The following GRAMD1B variants were observed in gnomAD, a reference collection of about 807,000 sequenced individuals.
The protein encoded by GRAMD1B is protein Aster-B.
A neutral mutation model predicts 99.7 loss-of-function variants in GRAMD1B; 37 were observed. The observed-to-expected ratio is 0.37, with a 90% CI of 0.29 to 0.49. The LOEUF (loss-of-function observed/expected upper bound fraction) is 0.49. Ranked by LOEUF, GRAMD1B falls within the 20% of genes least tolerant of loss-of-function variation. The pLI is 0.98. For synonymous variants in GRAMD1B, 427 were observed against 387.6 expected (o/e 1.10, Z -1.19); for missense variants, 888 against 1,009.2 (o/e 0.88, Z 1.63).
chr11:123,559,011 T>C lies in GRAMD1B; in HGVS notation c.453-18356T>C, dbSNP rs183560602. On this transcript the variant is annotated intron_variant, in intron 2 of 19. Transcript: ENST00000635736. ...GTAATTATTATTCACCTTCAGCATG[T>C]TTTCCTATGCAGCTGCAGTGGACAG... is the stretch of plus-strand genomic sequence containing the variant. Among the ~76,000 whole-genome samples, 45 of 152,294 alleles carry C rather than the reference T, an allele frequency of 3.0e-4. No homozygotes were observed. The East Asian group carries it at 8.5e-3, about 29-fold the overall frequency.
At chr11:123,592,460 C>T (rs893522330) in intron 4 of GRAMD1B, among the ~76,000 whole-genome samples, 2 of 152,216 alleles carry the variant, frequency 1.3e-5, no homozygotes, top group African/African-American at 4.8e-5. Context: ...TGCAGTGCCA[C>T]ATGCACATGG....
chr11:123,460,986 C>T (rs999459364), intron 1 of GRAMD1B, among the ~76,000 whole-genome samples: 2 of 152,252 alleles, frequency 1.3e-5, no homozygotes, highest in South Asian at 4.1e-4. Flanking sequence ...TTTCCCACCT[C>T]GTGACCTTTT....
chr11:123,618,750 A>G lies in GRAMD1B; in HGVS notation c.2376A>G (p.Glu792=), dbSNP rs767888526. 5.0e-6 allele frequency: 8 copies of G among 1,588,932 alleles called. No individual in the cohort carries two copies. The highest frequency in any genetic ancestry group is 6.9e-6 in the Non-Finnish European group (8 of 1,167,020). ...TCTTCTACAAACTCTGGATGTTGGAATACACCACGCAGACCCTCACTGCCT... is the reference window on the plus strand; with the variant it reads ...TCTTCTACAAACTCTGGATGTTGGAGTACACCACGCAGACCCTCACTGCCT... The part of the protein sequence containing the change: ...MMLFYKLWML[E]YTTQTLTAWQ... The change falls in exon 18 of 20, where the codon GAA becomes GAG. Residue 792 remains glutamate (E), a synonymous_variant. Transcript: ENST00000635736.
chr11:123,566,236 G>T (rs1213030205), intron 2 of GRAMD1B, among the ~76,000 whole-genome samples: 1 of 152,214 alleles, frequency 6.6e-6, no homozygotes, highest in Non-Finnish European at 1.5e-5. Flanking sequence ...AAGAAAAAGT[G>T]ATTTTCTCAA....
upstream of GRAMD1B, among the ~76,000 whole-genome samples, chr11:123,430,194 C>A (rs1948801280): frequency 6.6e-6 from 1 of 151,942 alleles, no homozygotes; most frequent in African/African-American, 2.4e-5. Flanking sequence ...CAGGATAGCC[C>A]CCCTCACCCC....
At chr11:123,545,310 A>G (rs1052213294) in intron 2 of GRAMD1B, among the ~76,000 whole-genome samples, 22 of 152,284 alleles carry the variant, frequency 1.4e-4, no homozygotes, top group African/African-American at 5.1e-4. Flanking sequence ...TGTTAAAACT[A>G]CAGATTCTGG....
chr11:123,442,700 G>A (rs779162105), intron 1 of GRAMD1B, among the ~76,000 whole-genome samples: 23 of 152,246 alleles, frequency 1.5e-4, no homozygotes, highest in Middle Eastern at 3.4e-3. Flanking sequence ...AACCTGGGAG[G>A]TGGAGGTTGC....
intron 2 of GRAMD1B, among the ~76,000 whole-genome samples, chr11:123,528,142 C>G (rs968640491): frequency 6.6e-6 from 1 of 151,980 alleles, no homozygotes; most frequent in African/African-American, 2.4e-5. Flanking sequence ...TGGCAGTATC[C>G]CAACTGGTAC....
chr11:123,521,009 T>G (rs1942156835), intron 2 of GRAMD1B, among the ~76,000 whole-genome samples: 1 of 152,064 alleles, frequency 6.6e-6, no homozygotes, highest in Admixed American at 6.6e-5. Flanking sequence ...GTTTTCAGAG[T>G]TTTTGTTTTG....
intron 1 of GRAMD1B, among the ~76,000 whole-genome samples, chr11:123,448,432 C>A (rs1949736381): frequency 6.6e-6 from 1 of 152,198 alleles, no homozygotes; most frequent in South Asian, 2.1e-4. Context: ...ATTGGCCGGG[C>A]TGGTCTCATA....
intron 7 of GRAMD1B, chr11:123,598,299 A>G: frequency 7.8e-7 from 1 of 1,284,386 alleles, no homozygotes; most frequent in African/African-American, 1.5e-5. Context: ...CAAGTGGCCA[A>G]GTGGCAGGTT....
Position 123,514,566 on chromosome 11 carries a change from T to A in GRAMD1B, c.452+33673T>A, listed in dbSNP as rs1941488104. On this transcript the variant is annotated intron_variant, in intron 2 of 19. Coordinates refer to ENST00000635736, the MANE Select transcript of GRAMD1B (RefSeq NM_001387025.1). The stretch of plus-strand genomic sequence containing the variant: ...GAGAATAGTGGGCCCAGGATGGACA[T>A]GGCAGGGCCCAGGGCACGACAAGTA... Among the ~76,000 whole-genome samples, 2 of 152,180 alleles carry A rather than the reference T, an allele frequency of 1.3e-5. 1 individual carries two copies. Among genetic ancestry groups the A allele is most frequent in the South Asian group, 4.1e-4 (2 of 4,836 alleles).
At chr11:123,597,850 A>G (rs1263847349) in intron 7 of GRAMD1B, 5 of 716,084 alleles carry the variant, frequency 7.0e-6, no homozygotes, top group Non-Finnish European at 2.6e-6. Context: ...TAAGTAGCAA[A>G]AGGTCTTTAA....
intron 2 of GRAMD1B, among the ~76,000 whole-genome samples, chr11:123,497,258 TC>T (rs746028091): frequency 1.4e-4 from 21 of 152,168 alleles, no homozygotes; most frequent in South Asian, 2.1e-4. Flanking sequence ...TCCCTTACTT[TC>T]TCCCAAACAA....
At chr11:123,596,789 G>A (rs1951326933) in intron 7 of GRAMD1B, among the ~76,000 whole-genome samples, 1 of 152,150 alleles carries the variant, frequency 6.6e-6, no homozygotes, top group East Asian at 1.9e-4. Context: ...AGGCAAATGG[G>A]GCCTCTGGGG....
Position 123,431,059 on chromosome 11 carries a change from C to T in GRAMD1B, c.267C>T (p.Asp89=), listed in dbSNP as rs1290535540. 2.1e-5 allele frequency: 15 copies of T among 702,926 alleles called. No homozygotes were observed. Among genetic ancestry groups the T allele is most frequent in the Non-Finnish European group, 3.1e-5 (12 of 385,008 alleles). The allele number at this position is 702,926 out of a possible 1,614,324, so 43.5% of individuals were successfully genotyped here. The change falls in exon 1 of 20, where the codon GAC becomes GAT. Residue 89 remains aspartate, a synonymous_variant. Coordinates refer to ENST00000635736, the MANE Select transcript of GRAMD1B (RefSeq NM_001387025.1). ...SIEITPSSDE[D]TPWSNCSTPS... The stretch of plus-strand genomic sequence containing the variant: ...AGATCACGCCCTCCAGCGACGAGGA[C>T]ACCCCGTGGTCCAACTGCTCCACAC...
chr11:123,383,460 G>A (rs545506134), intron 1 of GRAMD1B, among the ~76,000 whole-genome samples: 20 of 152,244 alleles, frequency 1.3e-4, no homozygotes, highest in African/African-American at 4.8e-4. Context: ...CTCCTTGCAA[G>A]GTTGATATAA....
At chr11:123,396,505 A>C (rs988014914) in intron 1 of GRAMD1B, among the ~76,000 whole-genome samples, 1 of 151,540 alleles carries the variant, frequency 6.6e-6, no homozygotes, top group Non-Finnish European at 1.5e-5. Flanking sequence ...CGAACTCCTG[A>C]CCTCAGGGGA....
At chr11:123,363,910 A>G (rs1435046440) in intron 1 of GRAMD1B, among the ~76,000 whole-genome samples, 2 of 152,200 alleles carry the variant, frequency 1.3e-5, no homozygotes, top group African/African-American at 2.4e-5. Context: ...AATTAAATGC[A>G]TGCCCGTTTG....
Sources: allele counts gnomAD v4.1 joint callset (sites outside exome capture counted in the v4.1 genomes callset), GRCh38; gene constraint gnomAD v4.1.1; transcripts MANE v1.5; gene names NCBI Gene and HGNC (gene_info 2026-07-23, HGNC 2026-07-21).